Variants in ST6GALNAC5 observed in about 807,000 individuals in gnomAD.
ST6GALNAC5 encodes the protein ST6 N-acetylgalactosaminide alpha-2,6-sialyltransferase 5, also known as alpha-N-acetylgalactosaminide alpha-2,6-sialyltransferase 5.
A neutral mutation model predicts 33.6 loss-of-function variants in ST6GALNAC5; 27 were observed. The ratio of observed to expected loss-of-function variants is 0.80; its 90% CI spans 0.59 to 1.11. ST6GALNAC5 has a LOEUF of 1.11. Ranked by LOEUF, ST6GALNAC5 falls within the 50% of genes least tolerant of loss-of-function variation. The probability of loss-of-function intolerance (pLI) is 0.00; values close to 1 mark genes in which losing one functional copy is unlikely to be tolerated. For missense variants in ST6GALNAC5, 428 were observed against 454.0 expected (o/e 0.94, Z 0.52); for synonymous variants, 194 against 171.2 (o/e 1.13, Z -1.04).
intron 2 of ST6GALNAC5, among the ~76,000 whole-genome samples, chr1:77,013,120 C>T (rs779910107): frequency 2.0e-5 from 3 of 152,164 alleles, no homozygotes; most frequent in African/African-American, 4.8e-5. Flanking sequence ...CACAGTCCTG[C>T]GGGTGCACGG....
At chr1:76,897,026 A>G (rs2100258985) in intron 2 of ST6GALNAC5, among the ~76,000 whole-genome samples, 1 of 152,292 alleles carries the variant, frequency 6.6e-6, no homozygotes, top group South Asian at 2.1e-4. Flanking sequence ...GATTAATCAG[A>G]CACGATCAGT....
chr1:76,911,432 T>C (rs1245939038), intron 2 of ST6GALNAC5, among the ~76,000 whole-genome samples: 2 of 152,180 alleles, frequency 1.3e-5, no homozygotes, highest in African/African-American at 4.8e-5. Flanking sequence ...TGCCCGGCTT[T>C]GCTATCAGGA....
chr1:76,965,998 T>G (rs1246542415), intron 2 of ST6GALNAC5, among the ~76,000 whole-genome samples: 1 of 152,244 alleles, frequency 6.6e-6, no homozygotes, highest in Non-Finnish European at 1.5e-5. Context: ...CATGCTGTTT[T>G]GGTTACTGTA....
rs139381193 is a variant in ST6GALNAC5, at chr1:76,955,014, G to A, written c.261+86272G>A. ...AATGAGCAAAACAGTCATGATTTTT[G>A]CCCTCAAAGAGTTTACAATCCAGTG... On this transcript the variant is annotated intron_variant, in intron 2 of 4. Coordinates refer to ENST00000477717, the MANE Select transcript of ST6GALNAC5 (RefSeq NM_030965.3). Among the ~76,000 whole-genome samples the A allele has an allele frequency of 5.3e-5, 8 of 152,224 alleles. No individual in the cohort carries two copies. In the East Asian group the frequency reaches 1.5e-3, roughly 29 times the overall value.
chr1:76,984,586 A>C (rs567358938), intron 2 of ST6GALNAC5, among the ~76,000 whole-genome samples: 20 of 152,364 alleles, frequency 1.3e-4, no homozygotes, highest in African/African-American at 4.8e-4. Flanking sequence ...TATTAGAGGT[A>C]CAAAGAGGAG....
intron 2 of ST6GALNAC5, among the ~76,000 whole-genome samples, chr1:76,988,693 A>G (rs1239702745): frequency 6.6e-6 from 1 of 152,020 alleles, no homozygotes; most frequent in Admixed American, 6.6e-5. Context: ...ACATTTTCTC[A>G]TCATTTCAAT....
intron 2 of ST6GALNAC5, among the ~76,000 whole-genome samples, chr1:76,941,301 A>G (rs1366122511): frequency 6.6e-6 from 1 of 152,084 alleles, no homozygotes; most frequent in Non-Finnish European, 1.5e-5. Flanking sequence ...TCCAAAATGG[A>G]CCTGGATTTA....
At chr1:76,974,207 CTT>C (rs766393000) in intron 2 of ST6GALNAC5, among the ~76,000 whole-genome samples, 22 of 120,278 alleles carry the variant, frequency 1.8e-4, no homozygotes, top group African/African-American at 5.0e-4. Context: ...TTGCTTTTCA[CTT>C]TTTTTTTTTT....
intron 2 of ST6GALNAC5, among the ~76,000 whole-genome samples, chr1:76,947,388 A>G (rs1179356631): frequency 6.6e-6 from 1 of 152,154 alleles, no homozygotes; most frequent in Non-Finnish European, 1.5e-5. Context: ...AACCACCTTA[A>G]AAGTTTTTCC....
chr1:76,909,611 C>T (rs1187779696), intron 2 of ST6GALNAC5, among the ~76,000 whole-genome samples: 1 of 151,872 alleles, frequency 6.6e-6, no homozygotes, highest in Non-Finnish European at 1.5e-5. Flanking sequence ...AGCAAAGAGG[C>T]AAACTTCCCA....
chr1:76,905,426 C>A (rs1557717160), intron 2 of ST6GALNAC5, among the ~76,000 whole-genome samples: 1 of 152,138 alleles, frequency 6.6e-6, no homozygotes, highest in Non-Finnish European at 1.5e-5. Flanking sequence ...CTGTGAGACA[C>A]CCTCCCCTTA....
chr1:76,971,241 G>A (rs375654938), intron 2 of ST6GALNAC5, among the ~76,000 whole-genome samples: 25 of 152,294 alleles, frequency 1.6e-4, no homozygotes, highest in East Asian at 1.4e-3. Flanking sequence ...TGATAGACCC[G>A]TGATGCGTCG....
At chr1:77,045,815 G>T (rs1043518435) in intron 3 of ST6GALNAC5, among the ~76,000 whole-genome samples, 1 of 152,124 alleles carries the variant, frequency 6.6e-6, no homozygotes, top group Non-Finnish European at 1.5e-5. Flanking sequence ...GTGAAAAGAT[G>T]TCAGCTGGAC....
chr1:76,885,772 A>G (rs1238588582), intron 2 of ST6GALNAC5, among the ~76,000 whole-genome samples: 2 of 152,184 alleles, frequency 1.3e-5, no homozygotes, highest in African/African-American at 4.8e-5. Context: ...AGCACTTTTC[A>G]ATTGTGGCAT....
At chr1:76,961,292 T>C (rs1372777046) in intron 2 of ST6GALNAC5, among the ~76,000 whole-genome samples, 2 of 152,142 alleles carry the variant, frequency 1.3e-5, no homozygotes, top group East Asian at 1.9e-4. Flanking sequence ...TAAGAATCCC[T>C]GTACTGCAAA....
intron 2 of ST6GALNAC5, among the ~76,000 whole-genome samples, chr1:77,038,483 C>T (rs1236071343): frequency 2.6e-5 from 4 of 152,212 alleles, no homozygotes; most frequent in African/African-American, 9.6e-5. Context: ...AGAGCAAGAC[C>T]GGTCTCATTA....
At chr1:76,928,644 AG>A (rs1466158398) in intron 2 of ST6GALNAC5, among the ~76,000 whole-genome samples, 5 of 152,140 alleles carry the variant, frequency 3.3e-5, no homozygotes, top group Admixed American at 6.6e-5. Context: ...ATAAGTGAGA[AG>A]GGTGCCTTAT....
chr1:76,905,860 G>A (rs113684723), intron 2 of ST6GALNAC5, among the ~76,000 whole-genome samples: 1 of 152,126 alleles, frequency 6.6e-6, no homozygotes, highest in Non-Finnish European at 1.5e-5. Flanking sequence ...TGAGGGAAGG[G>A]AGCAATAAAT....
chr1:76,877,337 A>G (rs1229422550), intron 2 of ST6GALNAC5, among the ~76,000 whole-genome samples: 2 of 152,210 alleles, frequency 1.3e-5, no homozygotes, highest in Non-Finnish European at 2.9e-5. Context: ...CAGCTTGCAC[A>G]GCAGCCTGAG....
Sources: allele counts gnomAD v4.1 joint callset (sites outside exome capture counted in the v4.1 genomes callset), GRCh38; gene constraint gnomAD v4.1.1; transcripts MANE v1.5; gene names NCBI Gene and HGNC (gene_info 2026-07-23, HGNC 2026-07-21).